Variants in ZSCAN20 observed in about 807,000 individuals in gnomAD.
ZSCAN20 encodes zinc finger and SCAN domain containing 20.
Under a neutral mutation model 97.1 loss-of-function variants are expected in ZSCAN20, and 39 were observed. That is an observed-to-expected ratio of 0.40 (90% CI 0.31 to 0.52). The LOEUF (loss-of-function observed/expected upper bound fraction) is 0.52, where lower values mean the gene tolerates loss of function less well. Among genes scored for constraint, ZSCAN20 ranks in the 20% least tolerant of loss-of-function variants. The pLI is 0.49. For missense variants in ZSCAN20, 1,115 were observed against 1,290.4 expected, an observed-to-expected ratio of 0.86 and a Z score of 2.08; for synonymous variants, 456 against 467.3, an observed-to-expected ratio of 0.98 and a Z score of 0.31.
intron 2 of ZSCAN20, among the ~76,000 whole-genome samples, chr1:33,484,603 A>T (rs909367783): frequency 2.1e-5 from 3 of 142,382 alleles, no homozygotes; most frequent in Non-Finnish European, 1.5e-5. Context: ...CTAATATTTT[A>T]TTGAGGATTT....
In ZSCAN20 at chr1:33,491,093, C is replaced by G; in HGVS notation, c.835C>G (p.Leu279Val). 1 of 1,613,646 alleles carries G rather than the reference C, an allele frequency of 6.2e-7. No homozygotes were observed. Among genetic ancestry groups the G allele is most frequent in the African/African-American group, 1.3e-5 (1 of 74,824 alleles). Residue 279 changes from leucine to valine, a missense_variant, in exon 6 of 8, where the codon CTT becomes GTT. Around this residue, in one of 3 missense-constraint regions of ZSCAN20, gnomAD observed 508 missense variants for 611.2 expected, o/e 0.83. Transcript: ENST00000684572. The surrounding 1 kb of genome is among the most constrained non-coding windows in gnomAD (Gnocchi z 4.3). ...AGGACCAGAGTTTTGGGGTCTAAGT[C>G]TTATAAATTCTGGGAAAAGGAGCAC... ...EQGPEFWGLSLINSGKRSTAD... is the reference protein window; with the variant it reads ...EQGPEFWGLSVINSGKRSTAD...
At chr1:33,489,307 G>T (rs1283466460) in intron 4 of ZSCAN20, 116 bp downstream of exon 4, 1 of 1,199,328 alleles carries the variant, frequency 8.3e-7, no homozygotes, top group Non-Finnish European at 1.2e-6. Context: ...GAGGCCCAGG[G>T]TGTTAGCCTT....
rs1177395651 is a variant in ZSCAN20 at position 33,491,326 on chromosome 1, A to G, written c.1068A>G (p.Val356=). ...KLRTCHQNRQ[V]YRAIAEQLRA... Reference sequence around the variant, plus strand: ...GGACTTGTCACCAGAACCGCCAGGTATATCGGGCCATTGCAGAGCAGCTAA... The same window carrying G: ...GGACTTGTCACCAGAACCGCCAGGTGTATCGGGCCATTGCAGAGCAGCTAA... Residue 356 remains valine (V), a synonymous_variant, in exon 6 of 8, where the codon GTA becomes GTG. Coordinates refer to ENST00000684572, the MANE Select transcript of ZSCAN20 (RefSeq NM_001377376.1). The surrounding 1 kb of genome is among the most constrained non-coding windows in gnomAD (Gnocchi z 4.3). 4.3e-6 allele frequency: 7 copies of G among 1,614,020 alleles called. No homozygotes were observed. Among genetic ancestry groups the G allele is most frequent in the African/African-American group, 2.7e-5 (2 of 74,922 alleles).
intron 2 of ZSCAN20, among the ~76,000 whole-genome samples, chr1:33,486,597 G>A (rs565094701): frequency 2.0e-5 from 3 of 152,304 alleles, no homozygotes; most frequent in African/African-American, 7.2e-5. Context: ...TTGTCTCCTG[G>A]TTGTCACTTG....
rs1553122648 is a variant in ZSCAN20, at chr1:33,490,677, A to ACACACACACAC, written c.767-341_767-340insACACCACACAC. Reference sequence around the variant, plus strand: ...CACACACACACACACACACACACACACACACACCACACACCCTTTTCCTCC... The same window carrying ACACACACACAC: ...CACACACACACACACACACACACACACACACACACACCACACACCACACACCCTTTTCCTCC... On this transcript the variant is annotated intron_variant, in intron 5 of 7. Coordinates refer to ENST00000684572, the MANE Select transcript of ZSCAN20 (RefSeq NM_001377376.1). 6.4e-3 allele frequency among the ~76,000 whole-genome samples: 936 copies of ACACACACACAC among 147,350 alleles called. 8 individuals are homozygous for ACACACACACAC. The highest frequency in any genetic ancestry group is 0.022 in the African/African-American group (877 of 39,120).
chr1:33,490,817 G>A (rs1652573568), intron 5 of ZSCAN20, among the ~76,000 whole-genome samples: 1 of 152,092 alleles, frequency 6.6e-6, no homozygotes, highest in African/African-American at 2.4e-5. Flanking sequence ...ACAAACAAAT[G>A]AACAAAGTAA....
chr1:33,479,829 G>T, intron 2 of ZSCAN20, 124 bp downstream of exon 2: 1 of 1,048,056 alleles, frequency 9.5e-7, no homozygotes, highest in Non-Finnish European at 1.3e-6. Context: ...GACACTTATT[G>T]ACCACTACTG....
chr1:33,488,424 T>TTGTTG, intron 2 of ZSCAN20, 41 bp from the exon 3 acceptor site: 1 of 1,599,334 alleles, frequency 6.3e-7, no homozygotes, highest in Non-Finnish European at 8.5e-7. Context: ...AAGTGGGTCT[T>TTGTTG]ACTGAATTGT....
At position 33,489,702 on chromosome 1, in the gene ZSCAN20, G is replaced by A. The variant is rs543499028; in HGVS notation, c.766+100G>A. 24 of 1,076,980 alleles carry A rather than the reference G, an allele frequency of 2.2e-5. No homozygotes were observed. In the African/African-American group the frequency reaches 3.6e-4, roughly 16 times the overall value. The allele number at this position is 1,076,980 out of a possible 1,614,324, so 66.7% of individuals were successfully genotyped here. The stretch of plus-strand genomic sequence containing the variant: ...CTCCTTTAAGAATCATGGCTCTGCA[G>A]TCTCTGGAATTTCAGAAATAGGAAG... On this transcript the variant is annotated intron_variant, in intron 5 of 7. Transcript: ENST00000684572.
Position 33,479,166 on chromosome 1 carries a change from C to G in ZSCAN20, c.-110-13C>G. On this transcript the variant is annotated splice_polypyrimidine_tract_variant and intron_variant, in intron 1 of 7. Transcript: ENST00000684572. Reference sequence around the variant, plus strand: ...CTTTTGCTCACACTCTATCCTTTGTCTTTCTGCCTTAGAGCCTTGGGGAGC... The same window carrying G: ...CTTTTGCTCACACTCTATCCTTTGTGTTTCTGCCTTAGAGCCTTGGGGAGC... The G allele has an allele frequency of 9.3e-7, 1 of 1,070,038 alleles. No individual in the cohort carries two copies. Among genetic ancestry groups the G allele is most frequent in the Non-Finnish European group, 1.4e-6 (1 of 737,696 alleles). 66.3% of individuals were successfully genotyped at this position (1,070,038 alleles called of 1,614,324 possible).
chr1:33,491,658 G>A lies in ZSCAN20; in HGVS notation c.1400G>A (p.Gly467Glu). Residue 467 changes from glycine to glutamate, a missense_variant, in exon 6 of 8, where the codon GGG (glycine) becomes GAG (glutamate). Physicochemically the swap from Gly to Glu is moderately conservative, Grantham distance 98 (BLOSUM62 -2). This residue lies in a region of ZSCAN20 where 508 missense variants were observed against 611.2 expected (regional missense o/e 0.83). Coordinates refer to ENST00000684572, the MANE Select transcript of ZSCAN20 (RefSeq NM_001377376.1). This position sits in a 1 kb window ranked among gnomAD's most constrained non-coding sequence, Gnocchi z 4.3. ...AGLVNVESTQ[G>E]PRIAGAPALF... ...CTGGTCAATGTTGAGTCTACCCAGG[G>A]GCCCAGGATTGCAGGGGCCCCAGCT... 6.2e-7 allele frequency: 1 copy of A among 1,612,158 alleles called. No individual in the cohort carries two copies. The highest frequency in any genetic ancestry group is 8.5e-7 in the Non-Finnish European group (1 of 1,179,246).
rs1350711120 is a variant in ZSCAN20 at position 33,489,616 on chromosome 1, C to T, written c.766+14C>T. The T allele has an allele frequency of 6.2e-7, 1 of 1,612,646 alleles. No individual in the cohort carries two copies. Among genetic ancestry groups the T allele is most frequent in the South Asian group, 1.1e-5 (1 of 91,028 alleles). On this transcript the variant is annotated intron_variant, in intron 5 of 7. Transcript: ENST00000684572. ...GCGTGTGCCTGGGTAAGGAGACGTA[C>T]CCTCTGAAGGTGATGTTGTCATGCT...
At chr1:33,480,720 G>A (rs1652121958) in intron 2 of ZSCAN20, among the ~76,000 whole-genome samples, 1 of 152,176 alleles carries the variant, frequency 6.6e-6, no homozygotes, top group African/African-American at 2.4e-5. Context: ...ATAGAGCTGA[G>A]GTAAGGGAAA....
chr1:33,475,656 C>CT (rs894607710), intron 1 of ZSCAN20, among the ~76,000 whole-genome samples: 13 of 149,760 alleles, frequency 8.7e-5, no homozygotes, highest in South Asian at 4.3e-4. Flanking sequence ...TTCTCTCTTT[C>CT]TTTTTTTTTT....
chr1:33,479,688 A>G lies in ZSCAN20; in HGVS notation c.400A>G (p.Arg134Gly), dbSNP rs764854142. ...ALVEDWHRETRTAGQSGLELH... is the reference protein window; with the variant it reads ...ALVEDWHRETGTAGQSGLELH... ...GGTGGAGGATTGGCACCGAGAGACC[A>G]GGACTGCAGGACAGTCGGTGAGACA... Residue 134 changes from arginine (R) to glycine (G), a missense_variant, in exon 2 of 8, where the codon AGG becomes GGG. Coordinates refer to ENST00000684572, the MANE Select transcript of ZSCAN20 (RefSeq NM_001377376.1). The G allele has an allele frequency of 1.3e-6, 2 of 1,553,548 alleles. No individual in the cohort carries two copies. The highest frequency in any genetic ancestry group is 4.5e-5 in the East Asian group (2 of 44,324).
At chr1:33,472,870 A>G (rs766093482) in intron 1 of ZSCAN20, among the ~76,000 whole-genome samples, 179 bp downstream of exon 1, 4 of 150,794 alleles carry the variant, frequency 2.7e-5, no homozygotes. Context: ...AGGGTCATAC[A>G]GGGGTCGGGG....
In ZSCAN20 at chr1:33,491,016, C is replaced by G; in HGVS notation, c.767-9C>G. ...CATTTCTACTCTGTCATTTCTCTTCCTTTTGTAGGAGTTCCAGTTTCAAAA... is the reference window on the plus strand; with the variant it reads ...CATTTCTACTCTGTCATTTCTCTTCGTTTTGTAGGAGTTCCAGTTTCAAAA... On this transcript the variant is annotated splice_polypyrimidine_tract_variant and intron_variant, in intron 5 of 7. Coordinates refer to ENST00000684572, the MANE Select transcript of ZSCAN20 (RefSeq NM_001377376.1). The surrounding 1 kb of genome is among the most constrained non-coding windows in gnomAD (Gnocchi z 4.3). 6.3e-7 allele frequency: 1 copy of G among 1,586,120 alleles called. No individual in the cohort carries two copies. Among genetic ancestry groups the G allele is most frequent in the Non-Finnish European group, 8.6e-7 (1 of 1,168,726 alleles).
intron 2 of ZSCAN20, 124 bp from the exon 3 acceptor site, chr1:33,488,341 A>T (rs1652447902): frequency 1.1e-6 from 1 of 906,136 alleles, no homozygotes; most frequent in Non-Finnish European, 1.7e-6. Flanking sequence ...TGGCTTTCTC[A>T]TCCTATTTCA....
rs771752391 is a variant in ZSCAN20, at chr1:33,491,746, C to T, written c.1444+44C>T. 3 of 1,520,664 alleles carry T rather than the reference C, an allele frequency of 2.0e-6. No individual in the cohort carries two copies. Among genetic ancestry groups the T allele is most frequent in the Non-Finnish European group, 2.6e-6 (3 of 1,134,452 alleles). 94.2% of individuals were successfully genotyped at this position (1,520,664 alleles called of 1,614,324 possible). A position where few individuals can be genotyped will look rare whatever the true frequency, so the allele number is the denominator to read the frequency against. ...AGTCAGATTCAGATTTCCAACCCTC[C>T]TACCAGCTAGACTGCTATTCCCTGA... is the stretch of plus-strand genomic sequence containing the variant. On this transcript the variant is annotated intron_variant, in intron 6 of 7. Coordinates refer to ENST00000684572, the MANE Select transcript of ZSCAN20 (RefSeq NM_001377376.1). The surrounding 1 kb of genome is among the most constrained non-coding windows in gnomAD (Gnocchi z 4.3).
Sources: gnomAD v4.1 joint callset for allele counts (sites outside exome capture counted in the v4.1 genomes callset) on GRCh38, gnomAD v4.1.1 for gene constraint, gnomAD v4.1.1 regional missense constraint, Gnocchi (gnomAD v3.1) non-coding constraint, MANE v1.5 for transcripts, NCBI Gene and HGNC (gene_info 2026-07-23, HGNC 2026-07-21) for gene names.